GSG1L: variants seen among roughly 807,000 people sequenced by gnomAD.
GSG1L encodes GSG1 like.
GSG1L carries 24 observed loss-of-function variants against 42.1 expected under a neutral mutation model. The observed-to-expected ratio is 0.57, with a 90% CI of 0.41 to 0.80. The LOEUF is 0.80. Ranked by LOEUF, GSG1L falls within the 30% of genes least tolerant of loss-of-function variation. GSG1L has a pLI of 0.00. For synonymous variants in GSG1L, 215 were observed against 203.5 expected (o/e 1.06, Z -0.48); for missense variants, 445 against 472.2 (o/e 0.94, Z 0.53).
In GSG1L at chr16:27,788,382, C is replaced by G. The variant is rs2082714958; in HGVS notation, c.*2988G>C. On this transcript the variant is annotated 3_prime_UTR_variant, in exon 7 of 7. Coordinates refer to ENST00000447459, the MANE Select transcript of GSG1L (RefSeq NM_001109763.2). ...TGCGGTGATCTTCCTCAAATGTACACCCAGGCGCATCCCAGTCTGCTAAAA... is the reference window on the plus strand; with the variant it reads ...TGCGGTGATCTTCCTCAAATGTACAGCCAGGCGCATCCCAGTCTGCTAAAA... The G allele has an allele frequency of 6.6e-6, 1 of 152,170 alleles. No individual in the cohort carries two copies. The highest frequency in any genetic ancestry group is 2.4e-5 in the African/African-American group (1 of 41,438). The allele number at this position is 152,170 out of a possible 1,614,324, so 9.4% of individuals were successfully genotyped here. A position where few individuals can be genotyped will look rare whatever the true frequency, so the allele number is the denominator to read the frequency against.
At chr16:27,911,578 T>A (rs190437159) in intron 2 of GSG1L, among the ~76,000 whole-genome samples, 28 of 152,254 alleles carry the variant, frequency 1.8e-4, no homozygotes, top group Admixed American at 7.2e-4. Flanking sequence ...ACTCCAGGCA[T>A]CTCCTTGCTG....
chr16:27,879,332 T>C (rs899328131), intron 3 of GSG1L, among the ~76,000 whole-genome samples: 2 of 152,152 alleles, frequency 1.3e-5, no homozygotes, highest in South Asian at 2.1e-4. Context: ...CTGATATAAT[T>C]TGGGGCCCAC....
chr16:28,026,400 G>A (rs887764784), intron 1 of GSG1L, among the ~76,000 whole-genome samples: 11 of 152,162 alleles, frequency 7.2e-5, no homozygotes, highest in African/African-American at 1.4e-4. Context: ...ACACATCAGC[G>A]AGGGACCTCA....
chr16:27,873,071 G>A (rs2891612), intron 3 of GSG1L, among the ~76,000 whole-genome samples: 6,402 of 152,182 alleles, frequency 0.042, 214 homozygotes, highest in Admixed American at 0.1. Context: ...CCCTCTCTTC[G>A]GGTCTGGACA....
intron 2 of GSG1L, among the ~76,000 whole-genome samples, chr16:27,910,072 G>T (rs892644236): frequency 7.5e-5 from 11 of 146,386 alleles, no homozygotes; most frequent in African/African-American, 2.5e-4. Flanking sequence ...AGATTCTCCT[G>T]CCTCAGCCTC....
At chr16:28,056,100 C>T (rs947609258) in intron 1 of GSG1L, among the ~76,000 whole-genome samples, 3 of 152,168 alleles carry the variant, frequency 2.0e-5, no homozygotes, top group African/African-American at 7.2e-5. Flanking sequence ...CCCAGAGCCC[C>T]AGTACATTCC....
chr16:28,034,932 A>G (rs2086014909), intron 1 of GSG1L, among the ~76,000 whole-genome samples: 1 of 152,202 alleles, frequency 6.6e-6, no homozygotes, highest in African/African-American at 2.4e-5. Context: ...CAGCTTGTCC[A>G]TCTGTACAAT....
intron 3 of GSG1L, among the ~76,000 whole-genome samples, chr16:27,871,552 C>T (rs1333011689): frequency 6.6e-6 from 1 of 152,090 alleles, no homozygotes; most frequent in East Asian, 1.9e-4. Flanking sequence ...GTGGAAGGAT[C>T]ACCTGAGCTC....
intron 4 of GSG1L, among the ~76,000 whole-genome samples, chr16:27,839,474 C>T (rs1396433961): frequency 6.6e-6 from 1 of 152,194 alleles, no homozygotes; most frequent in East Asian, 1.9e-4. Flanking sequence ...AAGCAGAAAG[C>T]GCAAGGCTAG....
intron 1 of GSG1L, among the ~76,000 whole-genome samples, chr16:27,995,801 C>T (rs1386691038): frequency 2.0e-5 from 3 of 151,906 alleles, no homozygotes; most frequent in South Asian, 2.1e-4. Context: ...CGTGTACCAC[C>T]GCACCTGGCT....
intron 1 of GSG1L, among the ~76,000 whole-genome samples, chr16:27,976,987 G>A (rs1415148642): frequency 6.6e-6 from 1 of 152,100 alleles, no homozygotes; most frequent in Non-Finnish European, 1.5e-5. Flanking sequence ...CCTCTGCTAA[G>A]CCCCTTTGGA....
chr16:27,873,320 TA>T (rs1477080858), intron 3 of GSG1L, among the ~76,000 whole-genome samples: 12 of 152,376 alleles, frequency 7.9e-5, no homozygotes, highest in African/African-American at 2.2e-4. Flanking sequence ...TATCTTGATT[TA>T]TCACCCCCTG....
chr16:27,909,349 CTTTCTTT>C (rs1176074653), intron 2 of GSG1L, among the ~76,000 whole-genome samples: 1 of 148,842 alleles, frequency 6.7e-6, no homozygotes, highest in Non-Finnish European at 1.5e-5. Flanking sequence ...TTCTTTCTTT[CTTTCTTT>C]TTTCTTTCTT....
intron 6 of GSG1L, among the ~76,000 whole-genome samples, chr16:27,797,793 G>C (rs1406189285): frequency 1.5e-5 from 2 of 134,744 alleles, no homozygotes; most frequent in African/African-American, 5.7e-5. Flanking sequence ...CTGCACCACG[G>C]CCTGGGTGAC....
At chr16:28,008,762 T>C (rs1346388730) in intron 1 of GSG1L, among the ~76,000 whole-genome samples, 1 of 152,176 alleles carries the variant, frequency 6.6e-6, no homozygotes. Flanking sequence ...CTGAGGGGCT[T>C]TTAGAAAGAA....
chr16:27,852,607 G>A (rs184619899), intron 3 of GSG1L, among the ~76,000 whole-genome samples: 3 of 152,160 alleles, frequency 2.0e-5, no homozygotes, highest in Admixed American at 6.5e-5. Context: ...GGTTTGGTGT[G>A]GCTGTCACAG....
chr16:27,828,666 C>T (rs932886964), intron 5 of GSG1L, 123 bp downstream of exon 5: 13 of 876,210 alleles, frequency 1.5e-5, no homozygotes, highest in Non-Finnish European at 8.8e-6. Context: ...CTGCCTCCCC[C>T]CTCCATAACC....
intron 4 of GSG1L, among the ~76,000 whole-genome samples, chr16:27,836,277 ATT>A (rs3047682): frequency 0.2 from 27,116 of 132,376 alleles, 2,750 homozygotes; most frequent in Admixed American, 0.37. Flanking sequence ...CACTGTTTTC[ATT>A]TTTTTTTTTT....
chr16:27,996,009 C>G (rs1309221054), intron 1 of GSG1L, among the ~76,000 whole-genome samples: 1 of 151,892 alleles, frequency 6.6e-6, no homozygotes, highest in Non-Finnish European at 1.5e-5. Flanking sequence ...AGACCAGCCT[C>G]GGCAACATAG....
Sources: gnomAD v4.1 joint callset for allele counts (sites outside exome capture counted in the v4.1 genomes callset) on GRCh38, gnomAD v4.1.1 for gene constraint, MANE v1.5 for transcripts, NCBI Gene and HGNC (gene_info 2026-07-23, HGNC 2026-07-21) for gene names.